Variants in INSYN2A observed in about 807,000 individuals in gnomAD.
The protein encoded by INSYN2A is family with sequence similarity 196 member A.
A neutral mutation model predicts 39.4 loss-of-function variants in INSYN2A; 17 were observed. The observed-to-expected ratio is 0.43, with a 90% CI of 0.30 to 0.65. INSYN2A has a LOEUF of 0.65. Among genes scored for constraint, INSYN2A ranks in the 30% least tolerant of loss-of-function variants. INSYN2A has a pLI of 0.14. For synonymous variants in INSYN2A, 255 were observed against 265.7 expected (o/e 0.96, Z 0.39); for missense variants, 595 against 631.2 (o/e 0.94, Z 0.61).
At chr10:127,143,736 C>G (rs1366174111) in intron 5 of INSYN2A, among the ~76,000 whole-genome samples, 1 of 152,182 alleles carries the variant, frequency 6.6e-6, no homozygotes, top group East Asian at 1.9e-4. Context: ...GGCTCTCCCC[C>G]TTGCATGGGA....
At chr10:127,164,676 CT>C (rs1491000078) in intron 4 of INSYN2A, among the ~76,000 whole-genome samples, 1 of 152,108 alleles carries the variant, frequency 6.6e-6, no homozygotes, top group Non-Finnish European at 1.5e-5. Context: ...TAAGGCAGGA[CT>C]TTTTATTTTT....
intron 5 of INSYN2A, among the ~76,000 whole-genome samples, chr10:127,148,799 G>A (rs1305685685): frequency 3.3e-5 from 5 of 152,170 alleles, no homozygotes; most frequent in Non-Finnish European, 7.4e-5. Flanking sequence ...AGCCAGAAAA[G>A]TTTTCCTAAA....
At chr10:127,156,268 A>G (rs1564848980) in intron 4 of INSYN2A, among the ~76,000 whole-genome samples, 3 of 152,170 alleles carry the variant, frequency 2.0e-5, no homozygotes, top group Non-Finnish European at 4.4e-5. Flanking sequence ...ACAGAGGAGC[A>G]TACAGTCACA....
In INSYN2A at chr10:127,153,943, G is replaced by A. The variant is rs1374392972; in HGVS notation, c.1185-20C>T. On this transcript the variant is annotated intron_variant, in intron 4 of 5. Transcript: ENST00000522781. The stretch of plus-strand genomic sequence containing the variant: ...GAAAGCCTACAAGATAAGAACAGGA[G>A]AGCATTACAAGCGGTGGCTGGGGGT... 5 of 1,605,474 alleles carry A rather than the reference G, an allele frequency of 3.1e-6. No individual in the cohort carries two copies. Among genetic ancestry groups the A allele is most frequent in the African/African-American group, 1.3e-5 (1 of 74,680 alleles).
chr10:127,162,664 A>C (rs555568090), intron 4 of INSYN2A, among the ~76,000 whole-genome samples: 6 of 152,298 alleles, frequency 3.9e-5, no homozygotes, highest in African/African-American at 1.4e-4. Flanking sequence ...CTCATTTAAC[A>C]TGTCAGGATA....
At position 127,145,062 on chromosome 10, in the gene INSYN2A, G is replaced by A. The variant is rs185211037; in HGVS notation, c.1257-7042C>T. ...TCCAAATGCATCTTGGATGTTTTCC[G>A]TGACCATACTGGAGAACTTGCTTGA... On this transcript the variant is annotated intron_variant, in intron 5 of 5. Coordinates refer to ENST00000522781, the MANE Select transcript of INSYN2A (RefSeq NM_001039762.3). Among the ~76,000 whole-genome samples, 159 of 152,224 alleles carry A rather than the reference G, an allele frequency of 1.0e-3. 1 individual carries two copies. Among genetic ancestry groups the A allele is most frequent in the Non-Finnish European group, 1.7e-3 (118 of 68,016 alleles).
chr10:127,176,336 G>A lies in INSYN2A; in HGVS notation c.60C>T (p.Pro20=), dbSNP rs567593902. 258 of 1,613,742 alleles carry A rather than the reference G, an allele frequency of 1.6e-4. 1 individual carries two copies. The highest frequency in any genetic ancestry group is 2.1e-4 in the Non-Finnish European group (250 of 1,179,986). The change falls in exon 4 of 6, where the codon CCC becomes CCT. Residue 20 remains proline (P), a synonymous_variant. Coordinates refer to ENST00000522781, the MANE Select transcript of INSYN2A (RefSeq NM_001039762.3). This position sits in a 1 kb window ranked among gnomAD's most constrained non-coding sequence, Gnocchi z 4.4. ...TCATCTCCAGGGCCAGGCAGGCGGCGGGTTCCACTTCACTCTCCGACGTTG... is the reference window on the plus strand; with the variant it reads ...TCATCTCCAGGGCCAGGCAGGCGGCAGGTTCCACTTCACTCTCCGACGTTG... ...ILTTSESEVE[P]AACLALEMKY...
chr10:127,152,154 C>G (rs1033953921), intron 5 of INSYN2A, among the ~76,000 whole-genome samples: 2 of 152,142 alleles, frequency 1.3e-5, no homozygotes, highest in Non-Finnish European at 2.9e-5. Flanking sequence ...AGCTTCCAAA[C>G]TAACAGAAGC....
intron 5 of INSYN2A, among the ~76,000 whole-genome samples, chr10:127,139,588 T>C (rs954328981): frequency 3.3e-5 from 5 of 152,112 alleles, no homozygotes; most frequent in African/African-American, 1.2e-4. Context: ...CTAAGGACAG[T>C]TGTGAAAAGT....
intron 2 of INSYN2A, among the ~76,000 whole-genome samples, chr10:127,191,843 A>C (rs2056779513): frequency 6.6e-6 from 1 of 152,184 alleles, no homozygotes; most frequent in Non-Finnish European, 1.5e-5. Flanking sequence ...GCTTTGGGAT[A>C]TAGCTGTGAT....
At chr10:127,187,569 C>G (rs78721641) in intron 2 of INSYN2A, among the ~76,000 whole-genome samples, 22,233 of 151,976 alleles carry the variant, frequency 0.15, 1,913 homozygotes, top group African/African-American at 0.23. Context: ...AGAGCATATC[C>G]TGCCACGTAG....
At chr10:127,166,147 G>T (rs2133761404) in intron 4 of INSYN2A, among the ~76,000 whole-genome samples, 1 of 152,278 alleles carries the variant, frequency 6.6e-6, no homozygotes, top group Admixed American at 6.5e-5. Flanking sequence ...CTCACTGCAA[G>T]CTCTGCCTCC....
At chr10:127,153,769 G>A in intron 5 of INSYN2A, 83 bp downstream of exon 5, 1 of 1,065,670 alleles carries the variant, frequency 9.4e-7, no homozygotes, top group South Asian at 1.3e-5. Flanking sequence ...TCCCAGCATG[G>A]CCCCAGATCG....
At chr10:127,184,806 G>A (rs77096020) in intron 2 of INSYN2A, among the ~76,000 whole-genome samples, 7,382 of 152,194 alleles carry the variant, frequency 0.049, 466 homozygotes, top group African/African-American at 0.15. Context: ...TGGATAGTCT[G>A]TGTTTGGTGG....
Position 127,137,846 on chromosome 10 carries a change from C to A in INSYN2A, c.1431G>T (p.Trp477Cys). The A allele has an allele frequency of 1.2e-6, 2 of 1,613,480 alleles. No individual in the cohort carries two copies. ...ESKKHGRWKLWFL is the reference protein window; with the variant it reads ...ESKKHGRWKLCFL ...CCAGACACCGTGAGTGTTAAAGGAA[C>A]CAGAGTTTCCATCTTCCGTGCTTTT... is the stretch of plus-strand genomic sequence containing the variant. The change falls in exon 6 of 6, where the codon TGG becomes TGT. Residue 477 changes from tryptophan to cysteine, a missense_variant. Physicochemically the swap from Trp to Cys is radical, Grantham distance 215. This residue lies in a region of INSYN2A where 117 missense variants were observed against 163.8 expected (regional missense o/e 0.71). Transcript: ENST00000522781.
At position 127,176,654 on chromosome 10, in the gene INSYN2A, C is replaced by A. The variant is rs985063213; in HGVS notation, c.-6+223G>T. 6.6e-6 allele frequency among the ~76,000 whole-genome samples: 1 copy of A among 152,162 alleles called. No homozygotes were observed. The highest frequency in any genetic ancestry group is 2.4e-5 in the African/African-American group (1 of 41,412). On this transcript the variant is annotated intron_variant, in intron 3 of 5. Transcript: ENST00000522781. This position sits in a 1 kb window ranked among gnomAD's most constrained non-coding sequence, Gnocchi z 4.4. Reference sequence around the variant, plus strand: ...ACTCGCTTTCCTTTTGACAGTAATGCATGTTTCCCCATTAGACAAACCTGT... The same window carrying A: ...ACTCGCTTTCCTTTTGACAGTAATGAATGTTTCCCCATTAGACAAACCTGT...
intron 4 of INSYN2A, among the ~76,000 whole-genome samples, chr10:127,156,448 AG>A (rs1291756565): frequency 2.6e-5 from 4 of 152,192 alleles, no homozygotes; most frequent in African/African-American, 9.6e-5. Flanking sequence ...AATGTACAAG[AG>A]GAATCTTCCA....
intron 2 of INSYN2A, among the ~76,000 whole-genome samples, chr10:127,183,609 G>T (rs1464722843): frequency 6.6e-6 from 1 of 152,298 alleles, no homozygotes; most frequent in East Asian, 1.9e-4. Flanking sequence ...GTTAGTGCTT[G>T]TAATCTTCTC....
At chr10:127,162,967 C>G (rs956651528) in intron 4 of INSYN2A, among the ~76,000 whole-genome samples, 2 of 152,186 alleles carry the variant, frequency 1.3e-5, no homozygotes, top group Non-Finnish European at 2.9e-5. Context: ...TGAACAGTAG[C>G]ACTCCTTCCA....
Sources: gnomAD v4.1 joint callset for allele counts (sites outside exome capture counted in the v4.1 genomes callset) on GRCh38, gnomAD v4.1.1 for gene constraint, gnomAD v4.1.1 regional missense constraint, Gnocchi (gnomAD v3.1) non-coding constraint, MANE v1.5 for transcripts, NCBI Gene and HGNC (gene_info 2026-07-23, HGNC 2026-07-21) for gene names.